Variants in LRRC9 observed in about 807,000 individuals in gnomAD.
LRRC9 encodes the protein leucine rich repeat containing 9.
A neutral mutation model predicts 63.2 loss-of-function variants in LRRC9; 122 were observed. The ratio of observed to expected loss-of-function variants is 1.93; its 90% CI spans 1.67 to 2.24. LRRC9 has a LOEUF of 2.24. Among genes scored for constraint, LRRC9 ranks in the 30% most tolerant of loss-of-function variants. LRRC9 has a pLI of 0.00. For synonymous variants in LRRC9, 366 were observed against 213.1 expected, an observed-to-expected ratio of 1.72 and a Z score of -6.25; for missense variants, 1,071 against 627.7, an observed-to-expected ratio of 1.71 and a Z score of -7.55.
At chr14:60,047,177 C>G (rs948679076) in intron 29 of LRRC9, among the ~76,000 whole-genome samples, 5 of 152,114 alleles carry the variant, frequency 3.3e-5, no homozygotes, top group Admixed American at 1.3e-4. Context: ...ATCAGGTTTT[C>G]TAGACACAGG....
chr14:59,939,457 C>A (rs1321095368), intron 7 of LRRC9, among the ~76,000 whole-genome samples: 1 of 151,820 alleles, frequency 6.6e-6, no homozygotes, highest in East Asian at 1.9e-4. Flanking sequence ...TAAAAGGATC[C>A]TTTTGAATAA....
At chr14:60,010,631 T>C (rs1018993796) in intron 23 of LRRC9, among the ~76,000 whole-genome samples, 30 of 152,210 alleles carry the variant, frequency 2.0e-4, no homozygotes, top group Non-Finnish European at 3.5e-4. Flanking sequence ...AAAATGGGTT[T>C]TTCTTTTCTA....
intron 27 of LRRC9, among the ~76,000 whole-genome samples, chr14:60,024,753 C>T (rs1368725459): frequency 1.3e-5 from 2 of 151,914 alleles, no homozygotes; most frequent in Non-Finnish European, 2.9e-5. Flanking sequence ...GGGAATTGGG[C>T]TGCTAGTGTA....
chr14:60,038,246 C>T (rs956468090), intron 29 of LRRC9, among the ~76,000 whole-genome samples: 45 of 152,140 alleles, frequency 3.0e-4, no homozygotes, highest in African/African-American at 1.0e-3. Context: ...CTTGGCAATG[C>T]GGGCTCTTTT....
chr14:59,944,429 C>A (rs532420417), intron 7 of LRRC9, among the ~76,000 whole-genome samples, 160 bp from the exon 8 acceptor site: 1 of 151,950 alleles, frequency 6.6e-6, no homozygotes, highest in South Asian at 2.1e-4. Flanking sequence ...ATATAGAACT[C>A]TGTGTAGCCA....
chr14:60,058,009 T>C lies in LRRC9; in HGVS notation c.4263T>C (p.Thr1421=). The change falls in exon 31 of 32, where the codon ACT becomes ACC. Residue 1421 remains threonine (T), a synonymous_variant. Coordinates refer to ENST00000445360, the Ensembl canonical transcript of LRRC9. The surrounding 1 kb of genome is among the most constrained non-coding windows in gnomAD (Gnocchi z 4.4). ...ACTTGGGATCTGACGTCACTTTAAC[T>C]CCTGAAGTTGAAGGTATTTTGACAA... is the stretch of plus-strand genomic sequence containing the variant. 1 of 633,740 alleles carries C rather than the reference T, an allele frequency of 1.6e-6. No individual in the cohort carries two copies. The highest frequency in any genetic ancestry group is 3.0e-6 in the Non-Finnish European group (1 of 338,616). The allele number at this position is 633,740 out of a possible 1,614,324, so 39.3% of individuals were successfully genotyped here. A position where few individuals can be genotyped will look rare whatever the true frequency, so the allele number is the denominator to read the frequency against.
Position 59,960,807 on chromosome 14 carries a change from A to G in LRRC9, c.1080-107A>G, listed in dbSNP as rs1431202669. The stretch of plus-strand genomic sequence containing the variant: ...AACACCAAGCTTTCTTTATCCATTG[A>G]AAGGAAGCCTTGTGTTTTAACATCA... On this transcript the variant is annotated intron_variant, in intron 9 of 31. Transcript: ENST00000445360. 5 of 487,376 alleles carry G rather than the reference A, an allele frequency of 1.0e-5. No homozygotes were observed. In the South Asian group the frequency reaches 2.0e-4, roughly 19 times the overall value. 30.2% of individuals were successfully genotyped at this position (487,376 alleles called of 1,614,324 possible). A position where few individuals can be genotyped will look rare whatever the true frequency, so the allele number is the denominator to read the frequency against.
At chr14:60,052,188 C>G (rs1032119364) in intron 29 of LRRC9, among the ~76,000 whole-genome samples, 2 of 152,114 alleles carry the variant, frequency 1.3e-5, no homozygotes, top group Admixed American at 1.3e-4. Context: ...AATTGGAACA[C>G]TGAGACCATT....
intron 23 of LRRC9, among the ~76,000 whole-genome samples, chr14:60,012,903 T>A (rs1219754084): frequency 6.6e-6 from 1 of 150,752 alleles, no homozygotes; most frequent in African/African-American, 2.4e-5. Flanking sequence ...TAAGGCTTAA[T>A]ATGTTTTTAT....
rs1020039542 is a variant in LRRC9, at chr14:60,042,732, T to C, written c.3991-10333T>C. On this transcript the variant is annotated intron_variant, in intron 29 of 31. Transcript: ENST00000445360. The surrounding 1 kb of genome is among the most constrained non-coding windows in gnomAD (Gnocchi z 4.2). ...CAATGCCCTGTCCTGCTTTGGCTCA[T>C]GCTCCGTGGGCTGCACCTATTGTCC... Among the ~76,000 whole-genome samples, 4 of 151,982 alleles carry C rather than the reference T, an allele frequency of 2.6e-5. No homozygotes were observed. The highest frequency in any genetic ancestry group is 7.2e-5 in the African/African-American group (3 of 41,394).
intron 15 of LRRC9, among the ~76,000 whole-genome samples, chr14:59,979,350 G>A (rs1886662215): frequency 6.6e-6 from 1 of 152,166 alleles, no homozygotes; most frequent in Non-Finnish European, 1.5e-5. Context: ...CAGGTGCGGT[G>A]GCTCACGCCT....
exon 3 of LRRC9, chr14:59,928,293 A>C (rs1273698086): frequency 3.2e-6 from 2 of 625,112 alleles, no homozygotes; most frequent in African/African-American, 3.7e-5. Flanking sequence ...TTATCTTATG[A>C]GATGGTTGGA....
chr14:59,959,952 G>A (rs1210407002), exon 9 of LRRC9: 1 of 696,748 alleles, frequency 1.4e-6, no homozygotes, highest in African/African-American at 1.8e-5. Flanking sequence ...TTCAACAGAA[G>A]ATATTGGCCA....
chr14:59,929,109 A>C (rs1889464380), intron 3 of LRRC9, among the ~76,000 whole-genome samples: 1 of 152,218 alleles, frequency 6.6e-6, no homozygotes, highest in South Asian at 2.1e-4. Context: ...GCAGAGCAAA[A>C]GAAACTATCA....
intron 8 of LRRC9, 70 bp from the exon 9 acceptor site, chr14:59,959,748 A>T: frequency 2.0e-6 from 1 of 500,010 alleles, no homozygotes; most frequent in Non-Finnish European, 3.5e-6. Flanking sequence ...AAAACTTAAC[A>T]TCTGAATTCC....
At position 59,958,487 on chromosome 14, in the gene LRRC9, A is replaced by G. The variant is rs185922686; in HGVS notation, c.883-1331A>G. 2.6e-5 allele frequency among the ~76,000 whole-genome samples: 4 copies of G among 152,300 alleles called. No individual in the cohort carries two copies. The highest frequency in any genetic ancestry group is 1.9e-4 in the East Asian group (1 of 5,170). ...GACACCCCTGCCCCAACCAAGCTCAATCGACCCAGGTCGACTTCAGACTGC... is the reference window on the plus strand; with the variant it reads ...GACACCCCTGCCCCAACCAAGCTCAGTCGACCCAGGTCGACTTCAGACTGC... On this transcript the variant is annotated intron_variant, in intron 8 of 31. Transcript: ENST00000445360. This position sits in a 1 kb window ranked among gnomAD's most constrained non-coding sequence, Gnocchi z 4.0.
At chr14:60,041,344 TGAA>T (rs955100127) in intron 29 of LRRC9, among the ~76,000 whole-genome samples, 21 of 152,352 alleles carry the variant, frequency 1.4e-4, no homozygotes, top group African/African-American at 5.1e-4. Flanking sequence ...GATAATATCC[TGAA>T]GAGCATTTTC....
intron 8 of LRRC9, among the ~76,000 whole-genome samples, chr14:59,952,276 T>C (rs1285795968): frequency 6.6e-6 from 1 of 152,172 alleles, no homozygotes; most frequent in Non-Finnish European, 1.5e-5. Context: ...GGTGCGTCCG[T>C]CACGCCTTTC....
At chr14:59,965,359 C>T (rs1484362809) in intron 10 of LRRC9, among the ~76,000 whole-genome samples, 1 of 152,226 alleles carries the variant, frequency 6.6e-6, no homozygotes, top group Non-Finnish European at 1.5e-5. Context: ...TTACCCCAAG[C>T]TTCTCTTCAG....
Sources: gnomAD v4.1 joint callset for allele counts (sites outside exome capture counted in the v4.1 genomes callset) on GRCh38, gnomAD v4.1.1 for gene constraint, Gnocchi (gnomAD v3.1) non-coding constraint, MANE v1.5 for transcripts, NCBI Gene and HGNC (gene_info 2026-07-23, HGNC 2026-07-21) for gene names.